Variants in EEIG2 observed in about 807,000 individuals in gnomAD.
EEIG2 encodes family with sequence similarity 102 member B.
chr1:108,584,633 C>T, the EEIG2 span, among the ~76,000 whole-genome samples: 4 of 152,278 alleles, frequency 2.6e-5, no homozygotes, highest in Non-Finnish European at 4.4e-5. Flanking sequence ...CTTTCAATGG[C>T]AGTTTCTGAG....
chr1:108,585,973 T>C, the EEIG2 span, among the ~76,000 whole-genome samples: 53 of 152,256 alleles, frequency 3.5e-4, no homozygotes, highest in Middle Eastern at 0.01. Flanking sequence ...AGAAAACTGA[T>C]ACATTTTCCT....
chr1:108,602,700 A>T, the EEIG2 span, among the ~76,000 whole-genome samples: 1 of 151,894 alleles, frequency 6.6e-6, no homozygotes, highest in East Asian at 1.9e-4. Context: ...GGTCACATGG[A>T]GAAACCCCAT....
chr1:108,606,803 T>A, the EEIG2 span, among the ~76,000 whole-genome samples: 15 of 152,158 alleles, frequency 9.9e-5, 2 homozygotes, highest in African/African-American at 3.6e-4. Context: ...TACACTAGTC[T>A]TTTTTTTCCC....
chr1:108,583,660 G>A, the EEIG2 span, among the ~76,000 whole-genome samples: 2 of 152,028 alleles, frequency 1.3e-5, no homozygotes, highest in East Asian at 1.9e-4. Flanking sequence ...TAAGAAGCAA[G>A]TGAGGTATAT....
At chr1:108,575,942 AGATATGATATGTGAAT>A in the EEIG2 span, among the ~76,000 whole-genome samples, 1 of 152,046 alleles carries the variant, frequency 6.6e-6, no homozygotes, top group Non-Finnish European at 1.5e-5. Context: ...ACTTAAAATG[AGATATGATATGTGAAT>A]GATATGATAT....
At chr1:108,580,681 AAATTCCCTT>A in the EEIG2 span, among the ~76,000 whole-genome samples, 22,691 of 152,072 alleles carry the variant, frequency 0.15, 2,660 homozygotes, top group African/African-American at 0.33. Flanking sequence ...CCCTTAAACC[AAATTCCCTT>A]AAGCCTACTC....
the EEIG2 span, among the ~76,000 whole-genome samples, chr1:108,615,003 G>C: frequency 6.6e-6 from 1 of 152,168 alleles, no homozygotes; most frequent in African/African-American, 2.4e-5. Context: ...AGTGCAGCAG[G>C]ATAGATTTGG....
At chr1:108,594,155 T>A in the EEIG2 span, among the ~76,000 whole-genome samples, 12 of 151,784 alleles carry the variant, frequency 7.9e-5, no homozygotes, top group Admixed American at 2.0e-4. Context: ...AATAGTTAAG[T>A]CCATCAGAGT....
At chr1:108,614,667 G>A in the EEIG2 span, among the ~76,000 whole-genome samples, 1 of 152,028 alleles carries the variant, frequency 6.6e-6, no homozygotes, top group African/African-American at 2.4e-5. Context: ...TTGGCTTCTG[G>A]AATCCAAAGT....
At chr1:108,565,256 G>A in the EEIG2 span, among the ~76,000 whole-genome samples, 1 of 152,158 alleles carries the variant, frequency 6.6e-6, no homozygotes, top group African/African-American at 2.4e-5. Context: ...ATCCTTAGGC[G>A]ATTTCATCAT....
At chr1:108,616,281 T>G in the EEIG2 span, 3 of 800,966 alleles carry the variant, frequency 3.7e-6, no homozygotes, top group Non-Finnish European at 6.2e-6. Flanking sequence ...TCAACAATCA[T>G]TTTATTTAAT....
the EEIG2 span, among the ~76,000 whole-genome samples, chr1:108,564,646 T>C: frequency 5.5e-3 from 831 of 152,184 alleles, 2 homozygotes; most frequent in Non-Finnish European, 9.5e-3. Flanking sequence ...TTTTAAAGAT[T>C]ATTAGTGAAA....
chr1:108,635,402 C>G, the EEIG2 span: 1 of 422,976 alleles, frequency 2.4e-6, no homozygotes, highest in South Asian at 4.5e-5. Flanking sequence ...CACTGCACAT[C>G]ATAATGAAAA....
the EEIG2 span, among the ~76,000 whole-genome samples, chr1:108,586,351 GTGTA>G: frequency 1.7e-5 from 2 of 118,448 alleles, no homozygotes; most frequent in African/African-American, 3.0e-5. Context: ...GTGTGTGTGT[GTGTA>G]ATGCCATTTA....
the EEIG2 span, among the ~76,000 whole-genome samples, chr1:108,571,306 A>G: frequency 4.6e-5 from 7 of 152,128 alleles, no homozygotes; most frequent in African/African-American, 1.7e-4. Context: ...GAGAATAAAC[A>G]TCACCTCTGC....
the EEIG2 span, among the ~76,000 whole-genome samples, chr1:108,576,118 A>G: frequency 5.9e-5 from 9 of 152,158 alleles, no homozygotes; most frequent in Non-Finnish European, 1.2e-4. Flanking sequence ...AGTAGCTGGG[A>G]CCACAGGCAC....
chr1:108,628,528 T>G, the EEIG2 span: 1 of 1,614,100 alleles, frequency 6.2e-7, no homozygotes. Context: ...AGAAAATCGC[T>G]GAGCCAAATC....
At chr1:108,587,330 C>G in the EEIG2 span, among the ~76,000 whole-genome samples, 1 of 152,192 alleles carries the variant, frequency 6.6e-6, no homozygotes, top group African/African-American at 2.4e-5. Context: ...TACCTCCTGT[C>G]CCCACATACA....
chr1:108,607,413 G>A, the EEIG2 span, among the ~76,000 whole-genome samples: 1 of 152,152 alleles, frequency 6.6e-6, no homozygotes, highest in Admixed American at 6.5e-5. Flanking sequence ...CTAGTTGTGG[G>A]CAATAGGAAT....
Sources: gnomAD v4.1 joint callset for allele counts (sites outside exome capture counted in the v4.1 genomes callset) on GRCh38, gnomAD v4.1.1 for gene constraint, MANE v1.5 for transcripts, NCBI Gene and HGNC (gene_info 2026-07-23, HGNC 2026-07-21) for gene names.